Variants in EVI5 observed in about 807,000 individuals in gnomAD.
EVI5 encodes ecotropic viral integration site 5 protein homolog.
Under a neutral mutation model 112.0 loss-of-function variants are expected in EVI5, and 73 were observed. The ratio of observed to expected loss-of-function variants is 0.65; its 90% CI spans 0.54 to 0.79. EVI5 has a LOEUF of 0.79. Among genes scored for constraint, EVI5 ranks in the 30% least tolerant of loss-of-function variants. EVI5 has a pLI of 0.00. For synonymous variants in EVI5, 305 were observed against 319.9 expected (o/e 0.95, Z 0.50); for missense variants, 900 against 968.8 (o/e 0.93, Z 0.94).
At chr1:92,736,668 T>C (rs746075802) in intron 1 of EVI5, 41 bp from the exon 2 acceptor site, 3 of 1,231,808 alleles carry the variant, frequency 2.4e-6, no homozygotes, top group Non-Finnish European at 3.6e-6. Context: ...TTAGTTACAC[T>C]GTATTCATTA....
intron 9 of EVI5, among the ~76,000 whole-genome samples, chr1:92,688,294 A>T (rs1353114638): frequency 6.6e-6 from 1 of 152,184 alleles, no homozygotes; most frequent in African/African-American, 2.4e-5. Flanking sequence ...CAGAAAACCA[A>T]ACACCGCATG....
intron 11 of EVI5, 43 bp from the exon 12 acceptor site, chr1:92,663,495 T>G (rs1326371425): frequency 1.0e-6 from 1 of 989,988 alleles, no homozygotes; most frequent in East Asian, 2.7e-5. Flanking sequence ...GAGAAAGAAA[T>G]AAAAGTGATA....
chr1:92,623,365 T>A (rs1455519758), intron 16 of EVI5, among the ~76,000 whole-genome samples: 1 of 152,218 alleles, frequency 6.6e-6, no homozygotes, highest in Non-Finnish European at 1.5e-5. Flanking sequence ...GAATACAGAA[T>A]GATGTATGAG....
intron 9 of EVI5, among the ~76,000 whole-genome samples, chr1:92,689,565 A>T (rs1669132062): frequency 6.6e-6 from 1 of 152,110 alleles, no homozygotes; most frequent in Non-Finnish European, 1.5e-5. Flanking sequence ...ACAAAGTTTC[A>T]CCATGTTGCC....
intron 10 of EVI5, among the ~76,000 whole-genome samples, chr1:92,674,338 T>C (rs1666363443): frequency 6.6e-6 from 1 of 152,058 alleles, no homozygotes; most frequent in Non-Finnish European, 1.5e-5. Flanking sequence ...ATATACACCA[T>C]GGAATACTAA....
chr1:92,612,468 G>A (rs1652064824), intron 16 of EVI5, among the ~76,000 whole-genome samples: 1 of 152,078 alleles, frequency 6.6e-6, no homozygotes, highest in Admixed American at 6.5e-5. Flanking sequence ...CAGTACTTTG[G>A]GAGGCCGAGG....
At chr1:92,623,434 A>G (rs1654998736) in intron 16 of EVI5, among the ~76,000 whole-genome samples, 1 of 152,242 alleles carries the variant, frequency 6.6e-6, no homozygotes, top group Non-Finnish European at 1.5e-5. Context: ...CAACATTCAC[A>G]GAGTATAAGA....
chr1:92,558,391 C>T (rs1480338460), intron 19 of EVI5, among the ~76,000 whole-genome samples: 5 of 152,164 alleles, frequency 3.3e-5, no homozygotes, highest in Non-Finnish European at 5.9e-5. Flanking sequence ...CTCAACCTTA[C>T]TACAAATCTT....
At chr1:92,646,080 T>A (rs893259659) in intron 13 of EVI5, among the ~76,000 whole-genome samples, 3 of 152,202 alleles carry the variant, frequency 2.0e-5, no homozygotes, top group African/African-American at 4.8e-5. Context: ...CGTTCTCCCA[T>A]AAACTCGTCT....
chr1:92,536,745 A>C (rs1162234729), intron 19 of EVI5, among the ~76,000 whole-genome samples: 2 of 152,188 alleles, frequency 1.3e-5, no homozygotes, highest in African/African-American at 4.8e-5. Flanking sequence ...TGTGCCGAGA[A>C]AATATGATCA....
chr1:92,727,930 G>A (rs1290848359), intron 2 of EVI5, among the ~76,000 whole-genome samples: 1 of 151,708 alleles, frequency 6.6e-6, no homozygotes, highest in Non-Finnish European at 1.5e-5. Flanking sequence ...GGAGATGAAG[G>A]CTGCAGTGAG....
chr1:92,718,685 C>T (rs1475894662), intron 2 of EVI5, among the ~76,000 whole-genome samples: 1 of 152,032 alleles, frequency 6.6e-6, no homozygotes, highest in Non-Finnish European at 1.5e-5. Flanking sequence ...CAAGAAATAA[C>T]TAAGAACAGA....
At chr1:92,555,228 AG>A (rs2100803281) in intron 19 of EVI5, among the ~76,000 whole-genome samples, 1 of 152,318 alleles carries the variant, frequency 6.6e-6, no homozygotes, top group East Asian at 1.9e-4. Flanking sequence ...AACAAATTTA[AG>A]GGAATAATTT....
chr1:92,591,271 C>T (rs1673830129), intron 18 of EVI5, among the ~76,000 whole-genome samples: 1 of 152,134 alleles, frequency 6.6e-6, no homozygotes, highest in South Asian at 2.1e-4. Flanking sequence ...CAATATTAAC[C>T]TTAAATGTAA....
intron 1 of EVI5, among the ~76,000 whole-genome samples, chr1:92,760,223 T>G (rs1178413352): frequency 2.0e-5 from 3 of 152,010 alleles, no homozygotes; most frequent in African/African-American, 7.2e-5. Context: ...AGATACAAAG[T>G]AAGGAAATAA....
rs149597286 is a variant in EVI5, at chr1:92,752,614, T to C, written c.-81-15987A>G. On this transcript the variant is annotated intron_variant, in intron 1 of 19. Coordinates refer to ENST00000684568, the MANE Select transcript of EVI5 (RefSeq NM_001350197.2). The stretch of plus-strand genomic sequence containing the variant: ...TCAGTTCTGGGAACTTTTCCTTCTT[T>C]GTGGGGAGCGGGGAGTCGACCTGAG... 4.6e-5 allele frequency among the ~76,000 whole-genome samples: 7 copies of C among 152,188 alleles called. No homozygotes were observed. The East Asian group carries it at 1.4e-3, about 30-fold the overall frequency.
At chr1:92,634,397 C>G (rs944357758) in intron 14 of EVI5, among the ~76,000 whole-genome samples, 3 of 151,958 alleles carry the variant, frequency 2.0e-5, no homozygotes, top group Non-Finnish European at 4.4e-5. Flanking sequence ...CTTTTTTCTC[C>G]AAACTTCTCT....
chr1:92,519,689 T>TC (rs774100077), intron 19 of EVI5, among the ~76,000 whole-genome samples: 4 of 151,928 alleles, frequency 2.6e-5, no homozygotes, highest in Non-Finnish European at 5.9e-5. Flanking sequence ...GGTCGGTACT[T>TC]CGAGACCAGC....
chr1:92,683,773 A>T (rs1467977266), intron 9 of EVI5, among the ~76,000 whole-genome samples: 2 of 152,236 alleles, frequency 1.3e-5, no homozygotes, highest in Admixed American at 6.5e-5. Flanking sequence ...CACAAGCTTC[A>T]ATAGTTGATT....
Sources: gnomAD v4.1 joint callset for allele counts (sites outside exome capture counted in the v4.1 genomes callset) on GRCh38, gnomAD v4.1.1 for gene constraint, MANE v1.5 for transcripts, NCBI Gene and HGNC (gene_info 2026-07-23, HGNC 2026-07-21) for gene names.